Variants in COL28A1 observed in about 807,000 individuals in gnomAD.
COL28A1 encodes the protein collagen alpha-1(XXVIII) chain.
In COL28A1, 161 loss-of-function variants were observed where a neutral mutation model predicts 150.2. That is an observed-to-expected ratio of 1.07 (90% confidence interval 0.94 to 1.22). The LOEUF (loss-of-function observed/expected upper bound fraction) is 1.22. Among genes scored for constraint, COL28A1 ranks in the 50% most tolerant of loss-of-function variants. COL28A1 has a pLI of 0.00. For missense variants in COL28A1, 1,617 were observed against 1,388.3 expected, an observed-to-expected ratio of 1.16 and a Z score of -2.62; for synonymous variants, 552 against 469.7, an observed-to-expected ratio of 1.18 and a Z score of -2.26.
chr7:7,481,581 G>A (rs1374609819), intron 13 of COL28A1, among the ~76,000 whole-genome samples: 1 of 152,006 alleles, frequency 6.6e-6, no homozygotes, highest in Non-Finnish European at 1.5e-5. Flanking sequence ...GGCTTCTAAC[G>A]AACACCTCTA....
chr7:7,451,132 T>A (rs1395723230), intron 18 of COL28A1, among the ~76,000 whole-genome samples: 1 of 151,918 alleles, frequency 6.6e-6, no homozygotes, highest in African/African-American at 2.4e-5. Context: ...AAGTCTAGAG[T>A]CAGTGTGGTA....
intron 7 of COL28A1, among the ~76,000 whole-genome samples, chr7:7,517,218 G>T (rs75325544): frequency 0.014 from 2,104 of 152,042 alleles, 60 homozygotes; most frequent in African/African-American, 0.048. Flanking sequence ...CATCCAGGGG[G>T]ACAAGCAGAG....
At chr7:7,455,904 A>G (rs1399548692) in intron 16 of COL28A1, 140 bp downstream of exon 16, 10 of 1,100,922 alleles carry the variant, frequency 9.1e-6, no homozygotes, top group Admixed American at 3.7e-5. Flanking sequence ...ATCCTTCCCT[A>G]TATTCACTTC....
chr7:7,521,773 A>G (rs1018405125), intron 5 of COL28A1, 132 bp downstream of exon 5: 5 of 671,528 alleles, frequency 7.4e-6, no homozygotes, highest in Non-Finnish European at 1.1e-5. Flanking sequence ...AAGAAGTAGC[A>G]TTTCCATTTT....
chr7:7,347,584 T>A, the COL28A1 span, among the ~76,000 whole-genome samples: 5 of 152,224 alleles, frequency 3.3e-5, no homozygotes, highest in African/African-American at 1.2e-4. Context: ...TTATTTGTGC[T>A]GTTAGTAAAT....
chr7:7,386,764 T>G (rs1456558014), intron 27 of COL28A1, among the ~76,000 whole-genome samples: 3 of 152,088 alleles, frequency 2.0e-5, no homozygotes, highest in Non-Finnish European at 4.4e-5. Flanking sequence ...TCCCTTGTGG[T>G]GCTAGCCTGG....
intron 13 of COL28A1, among the ~76,000 whole-genome samples, chr7:7,479,820 A>G (rs1159367850): frequency 6.6e-6 from 1 of 152,242 alleles, no homozygotes; most frequent in African/African-American, 2.4e-5. Context: ...TAAAAGAGTA[A>G]TAGTGAGGTT....
the COL28A1 span, among the ~76,000 whole-genome samples, chr7:7,350,600 TTTTTG>T: frequency 4.9e-4 from 74 of 152,054 alleles, no homozygotes; most frequent in East Asian, 0.014. Flanking sequence ...GCAAGAGTTG[TTTTTG>T]TTTTGTTTCA....
chr7:7,511,714 A>T (rs769048177), intron 8 of COL28A1: 1 of 470,518 alleles, frequency 2.1e-6, no homozygotes. Flanking sequence ...GTGAGATTGC[A>T]TCGTGAGTTA....
intron 13 of COL28A1, among the ~76,000 whole-genome samples, chr7:7,483,077 G>A (rs769706234): frequency 6.6e-5 from 10 of 152,260 alleles, no homozygotes; most frequent in South Asian, 2.1e-4. Context: ...GGGATGGTTC[G>A]ACTTAAGATT....
Position 7,490,583 on chromosome 7 carries a change from T to A in COL28A1, c.1090A>T (p.Ile364Phe). Reference sequence around the variant, plus strand: ...AAAAAGACAAGTATCTTTACCTTAATACCTTGCTGTCCAATTCCAGGAGCT... The same window carrying A: ...AAAAAGACAAGTATCTTTACCTTAAAACCTTGCTGTCCAATTCCAGGAGCT... ...PGAPGIGQQG[I>F]KGERGQEGRP... Residue 364 changes from isoleucine to phenylalanine, a missense_variant, in exon 12 of 35, where the codon ATT becomes TTT. Physicochemically the swap from Ile to Phe is conservative, Grantham distance 21. Transcript: ENST00000399429. 7.9e-7 allele frequency: 1 copy of A among 1,262,834 alleles called. No individual in the cohort carries two copies. Among genetic ancestry groups the A allele is most frequent in the Non-Finnish European group, 1.2e-6 (1 of 860,180 alleles). 78.2% of individuals were successfully genotyped at this position (1,262,834 alleles called of 1,614,324 possible).
downstream of COL28A1, among the ~76,000 whole-genome samples, chr7:7,353,824 GC>G (rs1404926209): frequency 7.6e-4 from 115 of 152,030 alleles, 1 homozygote; most frequent in Non-Finnish European, 2.9e-5. Context: ...CAAAATAGCA[GC>G]CTAGATACTC....
intron 27 of COL28A1, chr7:7,417,636 C>CT: frequency 1.9e-6 from 1 of 535,882 alleles, no homozygotes; most frequent in Non-Finnish European, 3.2e-6. Context: ...GAACAGTTCA[C>CT]TTTTGCACCA....
chr7:7,389,770 G>T (rs1031334452), intron 27 of COL28A1, among the ~76,000 whole-genome samples: 10 of 152,140 alleles, frequency 6.6e-5, no homozygotes, highest in African/African-American at 2.4e-4. Context: ...TTGTGAATGG[G>T]AGTTCACTCA....
At chr7:7,398,929 G>A (rs766624203) in intron 27 of COL28A1, among the ~76,000 whole-genome samples, 3 of 152,074 alleles carry the variant, frequency 2.0e-5, no homozygotes, top group Non-Finnish European at 2.9e-5. Context: ...CTGTATCCTC[G>A]AGGTAGGTTT....
chr7:7,368,825 G>A (rs572482400), intron 33 of COL28A1, among the ~76,000 whole-genome samples: 1 of 152,268 alleles, frequency 6.6e-6, no homozygotes, highest in Non-Finnish European at 1.5e-5. Context: ...TGTTATGGCA[G>A]CCCCAACAGA....
chr7:7,424,358 T>C (rs547597987), intron 25 of COL28A1, among the ~76,000 whole-genome samples: 1 of 152,284 alleles, frequency 6.6e-6, no homozygotes, highest in African/African-American at 2.4e-5. Context: ...ACCTGGTAAA[T>C]GTGAGCAAGA....
At chr7:7,381,987 T>C (rs1444787033) in intron 27 of COL28A1, among the ~76,000 whole-genome samples, 1 of 152,150 alleles carries the variant, frequency 6.6e-6, no homozygotes, top group Non-Finnish European at 1.5e-5. Flanking sequence ...CTTCTTTACA[T>C]TTTTCCATGT....
intron 25 of COL28A1, among the ~76,000 whole-genome samples, chr7:7,422,808 C>T (rs1395926882): frequency 6.6e-6 from 1 of 152,156 alleles, no homozygotes; most frequent in Non-Finnish European, 1.5e-5. Context: ...CCGGCTATTA[C>T]TACCAGCTTA....
Sources: gnomAD v4.1 joint callset for allele counts (sites outside exome capture counted in the v4.1 genomes callset) on GRCh38, gnomAD v4.1.1 for gene constraint, MANE v1.5 for transcripts, NCBI Gene and HGNC (gene_info 2026-07-23, HGNC 2026-07-21) for gene names.